The following NBEAL1 variants were observed in gnomAD, a reference collection of about 807,000 sequenced individuals.
The protein encoded by NBEAL1 is neurobeachin-like protein 1.
A neutral mutation model predicts 351.3 loss-of-function variants in NBEAL1; 273 were observed. The ratio of observed to expected loss-of-function variants is 0.78; its 90% CI spans 0.70 to 0.86. NBEAL1 has a LOEUF of 0.86. NBEAL1 is among the 40% of genes least tolerant of loss of function. The pLI is 0.00. For synonymous variants in NBEAL1, 1,050 were observed against 1,086.4 expected (o/e 0.97, Z 0.66); for missense variants, 2,961 against 3,201.3 (o/e 0.92, Z 1.81).
intron 3 of NBEAL1, among the ~76,000 whole-genome samples, chr2:203,047,396 A>C (rs1324953576): frequency 6.6e-6 from 1 of 152,230 alleles, no homozygotes; most frequent in African/African-American, 2.4e-5. Context: ...TATTAACAGA[A>C]TATTAAATAT....
intron 10 of NBEAL1, among the ~76,000 whole-genome samples, chr2:203,092,362 T>C (rs1173700397): frequency 6.7e-6 from 1 of 150,146 alleles, no homozygotes; most frequent in Non-Finnish European, 1.5e-5. Context: ...GAGACCAGCC[T>C]GGCCAATATG....
chr2:203,116,250 C>T (rs2062694876), intron 18 of NBEAL1, among the ~76,000 whole-genome samples, 180 bp downstream of exon 18: 1 of 152,120 alleles, frequency 6.6e-6, no homozygotes, highest in South Asian at 2.1e-4. Context: ...ATACCTCCTC[C>T]ACGAGGGTCC....
In NBEAL1 at chr2:203,083,266, G is replaced by A; in HGVS notation, c.732G>A (p.Met244Ile). 1.3e-6 allele frequency: 2 copies of A among 1,552,160 alleles called. No individual in the cohort carries two copies. Among genetic ancestry groups the A allele is most frequent in the South Asian group, 1.2e-5 (1 of 84,066 alleles). ...AISPATMEVL[M>I]RVLADCDSWE... ...CTCCAGCCACTATGGAAGTTCTTAT[G>A]CGAGTATTGGCAGATTGTGATTCCT... The change falls in exon 9 of 56, where the codon ATG becomes ATA. Residue 244 changes from methionine (M) to isoleucine (I), a missense_variant. Coordinates refer to ENST00000683969, the MANE Select transcript of NBEAL1 (RefSeq NM_001378026.1).
intron 33 of NBEAL1, among the ~76,000 whole-genome samples, chr2:203,148,613 G>A (rs1360133594): frequency 6.6e-6 from 1 of 151,854 alleles, no homozygotes; most frequent in African/African-American, 2.4e-5. Flanking sequence ...CTTTCCTCTT[G>A]AGTCTCATTT....
chr2:203,117,836 C>G (rs2062734809), intron 18 of NBEAL1, among the ~76,000 whole-genome samples: 1 of 151,596 alleles, frequency 6.6e-6, no homozygotes, highest in Admixed American at 6.6e-5. Context: ...GCATGTGCCA[C>G]CATGCTGAGC....
chr2:203,090,355 T>A (rs1574954487), intron 10 of NBEAL1, among the ~76,000 whole-genome samples: 1 of 152,166 alleles, frequency 6.6e-6, no homozygotes, highest in African/African-American at 2.4e-5. Context: ...TTCACCTTCC[T>A]ACCTTTTGGA....
At position 203,175,236 on chromosome 2, in the gene NBEAL1, T is replaced by C; in HGVS notation, c.6413T>C (p.Leu2138Pro). The C allele has an allele frequency of 1.2e-6, 2 of 1,614,002 alleles. No homozygotes were observed. The highest frequency in any genetic ancestry group is 1.7e-6 in the Non-Finnish European group (2 of 1,179,926). Residue 2138 changes from leucine (L) to proline (P), a missense_variant, in exon 42 of 56, where the codon CTC becomes CCC. Leu to Pro is a moderately conservative substitution (Grantham distance 98). Coordinates refer to ENST00000683969, the MANE Select transcript of NBEAL1 (RefSeq NM_001378026.1). ...YSNSAGVMHY[L>P]IRVEPFTTLH... ...AATTCTGCGGGGGTCATGCACTATC[T>C]CATTCGTGTAGAACCGTTCACCACC...
intron 46 of NBEAL1, among the ~76,000 whole-genome samples, chr2:203,191,567 T>G (rs569200631): frequency 1.1e-4 from 17 of 152,316 alleles, no homozygotes; most frequent in Admixed American, 2.6e-4. Flanking sequence ...ATTAACTAGA[T>G]ATGTTCTTAA....
intron 44 of NBEAL1, among the ~76,000 whole-genome samples, chr2:203,187,884 CT>C (rs2064955065): frequency 6.6e-6 from 1 of 152,158 alleles, no homozygotes; most frequent in Non-Finnish European, 1.5e-5. Flanking sequence ...TGAGTTCATT[CT>C]TTCTTTCCTG....
chr2:203,201,071 C>T (rs1423256604), intron 49 of NBEAL1, among the ~76,000 whole-genome samples: 1 of 152,184 alleles, frequency 6.6e-6, no homozygotes, highest in East Asian at 1.9e-4. Context: ...AGCATGCTTG[C>T]TTTGGTTCAA....
Position 203,206,309 on chromosome 2 carries a change from CAT to C in NBEAL1, c.7507-2325_7507-2324del, listed in dbSNP as rs1345870741. Among the ~76,000 whole-genome samples, 7 of 152,318 alleles carry C rather than the reference CAT, an allele frequency of 4.6e-5. No homozygotes were observed. In the East Asian group the frequency reaches 1.2e-3, roughly 25 times the overall value. On this transcript the variant is annotated intron_variant, in intron 51 of 55. Coordinates refer to ENST00000683969, the MANE Select transcript of NBEAL1 (RefSeq NM_001378026.1). ...TTTTTTCAAAGGGCTGCAGCCAAGA[CAT>C]ATTTAAAAATACCATTACAAACACA... is the stretch of plus-strand genomic sequence containing the variant.
In NBEAL1 at chr2:203,126,638, C is replaced by G; in HGVS notation, c.3067C>G (p.Gln1023Glu). 1 of 1,529,520 alleles carries G rather than the reference C, an allele frequency of 6.5e-7. No individual in the cohort carries two copies. The highest frequency in any genetic ancestry group is 8.8e-7 in the Non-Finnish European group (1 of 1,138,466). The allele number at this position is 1,529,520 out of a possible 1,614,324, so 94.7% of individuals were successfully genotyped here. A position where few individuals can be genotyped will look rare whatever the true frequency, so the allele number is the denominator to read the frequency against. Residue 1023 changes from glutamine to glutamate, a missense_variant, in exon 22 of 56, where the codon CAG becomes GAG. Transcript: ENST00000683969. ...IEQVSLEKNM[Q>E]LLQQMYQYLL... Reference sequence around the variant, plus strand: ...ACAAGTATCATTAGAGAAAAATATGCAGCTCCTGCAACAAATGTATCAATA... The same window carrying G: ...ACAAGTATCATTAGAGAAAAATATGGAGCTCCTGCAACAAATGTATCAATA...
In NBEAL1 at chr2:203,130,301, T is replaced by G; in HGVS notation, c.3406-17T>G. The G allele has an allele frequency of 2.6e-6, 4 of 1,519,160 alleles. No individual in the cohort carries two copies. Among genetic ancestry groups the G allele is most frequent in the Non-Finnish European group, 3.5e-6 (4 of 1,136,060 alleles). The allele number at this position is 1,519,160 out of a possible 1,614,324, so 94.1% of individuals were successfully genotyped here. ...TATGAATGTGGTGGTTTGTTTTGTGTTGTTTAATTTTAAAAGCTCTTTGGA... is the reference window on the plus strand; with the variant it reads ...TATGAATGTGGTGGTTTGTTTTGTGGTGTTTAATTTTAAAAGCTCTTTGGA... On this transcript the variant is annotated splice_polypyrimidine_tract_variant and intron_variant, in intron 24 of 55. Coordinates refer to ENST00000683969, the MANE Select transcript of NBEAL1 (RefSeq NM_001378026.1).
At chr2:203,172,470 G>A (rs746716950) in intron 40 of NBEAL1, among the ~76,000 whole-genome samples, 2 of 151,984 alleles carry the variant, frequency 1.3e-5, no homozygotes, top group Non-Finnish European at 2.9e-5. Flanking sequence ...GCAGTGAGCC[G>A]AGATCATGAC....
rs1453419051 is a variant in NBEAL1 at position 203,132,112 on chromosome 2, C to T, written c.3704C>T (p.Thr1235Ile). 3 of 1,530,388 alleles carry T rather than the reference C, an allele frequency of 2.0e-6. No homozygotes were observed. The highest frequency in any genetic ancestry group is 4.0e-5 in the Admixed American group (2 of 49,816). The allele number at this position is 1,530,388 out of a possible 1,614,324, so 94.8% of individuals were successfully genotyped here. A position where few individuals can be genotyped will look rare whatever the true frequency, so the allele number is the denominator to read the frequency against. ...LVNTSLIKNLTHQIINTDPVI... is the reference protein window; with the variant it reads ...LVNTSLIKNLIHQIINTDPVI... Reference sequence around the variant, plus strand: ...AATACTTCTCTTATTAAAAACCTCACCCATCAAATCATAAATACAGGTATG... The same window carrying T: ...AATACTTCTCTTATTAAAAACCTCATCCATCAAATCATAAATACAGGTATG... The change falls in exon 26 of 56, where the codon ACC becomes ATC. Residue 1235 changes from threonine to isoleucine, a missense_variant. By Grantham distance (89) the Thr-to-Ile change is moderately conservative. Transcript: ENST00000683969.
rs185737261 is a variant in NBEAL1 at position 203,126,070 on chromosome 2, A to G, written c.2962A>G (p.Thr988Ala). ...GNLIHSHGVATLGALLQKVPS... is the reference protein window; with the variant it reads ...GNLIHSHGVAALGALLQKVPS... ...TCTTATTCACTCCCATGGAGTTGCA[A>G]CTCTTGGTGCTTTACTTCAGAAGGT... Residue 988 changes from threonine (T) to alanine (A), a missense_variant, in exon 21 of 56, where the codon ACT becomes GCT. Physicochemically the swap from Thr to Ala is moderately conservative, Grantham distance 58. Coordinates refer to ENST00000683969, the MANE Select transcript of NBEAL1 (RefSeq NM_001378026.1). 31 of 1,543,794 alleles carry G rather than the reference A, an allele frequency of 2.0e-5. No individual in the cohort carries two copies. The Admixed American group carries it at 4.5e-4, about 22-fold the overall frequency.
chr2:203,121,583 C>A (rs1223582611), intron 18 of NBEAL1, among the ~76,000 whole-genome samples: 2 of 147,524 alleles, frequency 1.4e-5, no homozygotes, highest in Admixed American at 1.4e-4. Context: ...ATCTGGGAGG[C>A]AGAGGTTGCA....
chr2:203,202,886 G>A (rs997942163), intron 51 of NBEAL1, 105 bp downstream of exon 51: 13 of 679,630 alleles, frequency 1.9e-5, no homozygotes, highest in Non-Finnish European at 3.1e-5. Context: ...CAGTGACTGA[G>A]CTCCTTTGTA....
intron 47 of NBEAL1, among the ~76,000 whole-genome samples, chr2:203,194,936 G>A (rs1264684278): frequency 6.6e-6 from 1 of 152,118 alleles, no homozygotes; most frequent in Admixed American, 6.5e-5. Context: ...AGTGGCTCAC[G>A]CCTGTAATCC....
Sources: gnomAD v4.1 joint callset for allele counts (sites outside exome capture counted in the v4.1 genomes callset) on GRCh38, gnomAD v4.1.1 for gene constraint, MANE v1.5 for transcripts, NCBI Gene and HGNC (gene_info 2026-07-23, HGNC 2026-07-21) for gene names.